UTRN: variants seen among roughly 807,000 people sequenced by gnomAD.
The protein encoded by UTRN is dystrophin-related protein 1.
A neutral mutation model predicts 463.9 loss-of-function variants in UTRN; 283 were observed. The ratio of observed to expected loss-of-function variants is 0.61; its 90% CI spans 0.55 to 0.67. The LOEUF (loss-of-function observed/expected upper bound fraction) is 0.67, where lower values mean the gene tolerates loss of function less well. Ranked by LOEUF, UTRN falls within the 30% of genes least tolerant of loss-of-function variation. UTRN has a pLI of 0.00. For synonymous variants in UTRN, 1,442 were observed against 1,431.5 expected (o/e 1.01, Z -0.17); for missense variants, 3,922 against 4,084.3 (o/e 0.96, Z 1.08).
Position 144,555,529 on chromosome 6 carries a change from T to G in UTRN, c.7134+636T>G, listed in dbSNP as rs73603029. Among the ~76,000 whole-genome samples the G allele has an allele frequency of 1.9e-3, 286 of 152,304 alleles. 2 individuals carry two copies. Among genetic ancestry groups the G allele is most frequent in the African/African-American group, 6.6e-3 (275 of 41,560 alleles). On this transcript the variant is annotated intron_variant, in intron 49 of 74. Coordinates refer to ENST00000367545, the MANE Select transcript of UTRN (RefSeq NM_007124.3). ...CTCATTGCAACAGCCACCTCTTGGGTTCCAGCGATTCTTGCCTCAGCCTTC... is the reference window on the plus strand; with the variant it reads ...CTCATTGCAACAGCCACCTCTTGGGGTCCAGCGATTCTTGCCTCAGCCTTC...
intron 48 of UTRN, among the ~76,000 whole-genome samples, chr6:144,552,359 A>G (rs1798999398): frequency 6.6e-6 from 1 of 152,158 alleles, no homozygotes; most frequent in African/African-American, 2.4e-5. Context: ...TGTGCCTATT[A>G]TGGAACTTTG....
chr6:144,817,855 C>G (rs543731692), intron 65 of UTRN, among the ~76,000 whole-genome samples: 12 of 152,208 alleles, frequency 7.9e-5, no homozygotes, highest in African/African-American at 2.6e-4. Flanking sequence ...TAAGCTATTT[C>G]TGTGTGTGTA....
intron 18 of UTRN, among the ~76,000 whole-genome samples, chr6:144,451,746 G>A (rs1788337646): frequency 6.6e-6 from 1 of 151,802 alleles, no homozygotes; most frequent in Non-Finnish European, 1.5e-5. Context: ...ACTTCTTATG[G>A]TGATCCAGTT....
intron 33 of UTRN, among the ~76,000 whole-genome samples, chr6:144,494,247 G>A (rs1398608184): frequency 6.6e-6 from 1 of 152,094 alleles, no homozygotes; most frequent in African/African-American, 2.4e-5. Flanking sequence ...ATGTTCGGAT[G>A]TGCTTGGAGT....
At chr6:144,726,598 C>A (rs547976017) in intron 53 of UTRN, among the ~76,000 whole-genome samples, 1 of 152,238 alleles carries the variant, frequency 6.6e-6, no homozygotes, top group Middle Eastern at 3.4e-3. Context: ...AGAAATGTCA[C>A]CTCTTTTGCA....
At chr6:144,386,047 G>A (rs545462512) in intron 2 of UTRN, among the ~76,000 whole-genome samples, 1 of 152,308 alleles carries the variant, frequency 6.6e-6, no homozygotes, top group East Asian at 1.9e-4. Context: ...AAGTTAACAT[G>A]AAGGAAGTCA....
At chr6:144,660,081 G>C in intron 51 of UTRN, 1 of 389,338 alleles carries the variant, frequency 2.6e-6, no homozygotes, top group Non-Finnish European at 5.3e-6. Flanking sequence ...GCTGCTGATG[G>C]ACCATAGCTC....
intron 61 of UTRN, among the ~76,000 whole-genome samples, chr6:144,788,413 A>G (rs1562911687): frequency 6.6e-6 from 1 of 152,166 alleles, no homozygotes. Context: ...AGCTCTTAGT[A>G]TATAGTTAAT....
In UTRN at chr6:144,437,693, G is replaced by A; in HGVS notation, c.1188G>A (p.Leu396=). ...EEFEIQEQMT[L]LNARWEALRV... is the part of the protein sequence containing the mutation. ...TTGAGATTCAGGAACAGATGACCCT[G>A]CTGAATGCTAGATGGGAGGCTCTTA... The change falls in exon 11 of 75, where the codon CTG becomes CTA. Residue 396 remains leucine, a synonymous_variant. Coordinates refer to ENST00000367545, the MANE Select transcript of UTRN (RefSeq NM_007124.3). The A allele has an allele frequency of 3.1e-6, 5 of 1,614,160 alleles. No homozygotes were observed. Among genetic ancestry groups the A allele is most frequent in the Non-Finnish European group, 4.2e-6 (5 of 1,180,024 alleles).
chr6:144,364,602 G>A (rs1779355910), intron 2 of UTRN, among the ~76,000 whole-genome samples: 1 of 152,166 alleles, frequency 6.6e-6, no homozygotes, highest in Non-Finnish European at 1.5e-5. Context: ...AGATGAGTCC[G>A]TGTATTTGTT....
At chr6:144,313,926 G>C (rs944272202) in intron 2 of UTRN, among the ~76,000 whole-genome samples, 2 of 152,004 alleles carry the variant, frequency 1.3e-5, no homozygotes, top group African/African-American at 4.8e-5. Context: ...TCATGCTTCT[G>C]TTTCATTAAT....
intron 51 of UTRN, among the ~76,000 whole-genome samples, chr6:144,653,624 G>C (rs116296794): frequency 0.014 from 2,158 of 151,184 alleles, 45 homozygotes; most frequent in African/African-American, 0.05. Flanking sequence ...CTTTTCCATA[G>C]TTGTACAGCA....
At chr6:144,849,934 A>G (rs1439164229) in intron 74 of UTRN, among the ~76,000 whole-genome samples, 1 of 152,074 alleles carries the variant, frequency 6.6e-6, no homozygotes, top group Non-Finnish European at 1.5e-5. Flanking sequence ...CTGTCCTCAA[A>G]CCACTTCTTT....
At chr6:144,696,845 A>G (rs979711060) in intron 52 of UTRN, among the ~76,000 whole-genome samples, 4 of 152,170 alleles carry the variant, frequency 2.6e-5, no homozygotes, top group Admixed American at 6.5e-5. Flanking sequence ...ACTTACTCAC[A>G]CTATTTCCTT....
At chr6:144,572,938 G>A (rs751089343) in intron 50 of UTRN, among the ~76,000 whole-genome samples, 15 of 152,102 alleles carry the variant, frequency 9.9e-5, no homozygotes, top group East Asian at 1.9e-4. Flanking sequence ...GGGTCAAATG[G>A]TATTTCTGGT....
rs900870367 is a variant in UTRN, at chr6:144,514,958, G to A, written c.5244+138G>A. 1.5e-5 allele frequency: 15 copies of A among 974,904 alleles called. No homozygotes were observed. In the Admixed American group the frequency reaches 4.8e-4, roughly 31 times the overall value. The allele number at this position is 974,904 out of a possible 1,614,324, so 60.4% of individuals were successfully genotyped here. A position where few individuals can be genotyped will look rare whatever the true frequency, so the allele number is the denominator to read the frequency against. Reference sequence around the variant, plus strand: ...TTCTCTCTCTGTCACCGAGGCTGGAGTGCAGTGGCATGAGCTCACTGCAAC... The same window carrying A: ...TTCTCTCTCTGTCACCGAGGCTGGAATGCAGTGGCATGAGCTCACTGCAAC... On this transcript the variant is annotated intron_variant, in intron 37 of 74. Transcript: ENST00000367545.
chr6:144,291,897 G>A lies in UTRN; in HGVS notation c.69G>A (p.Lys23=), dbSNP rs765083371. 1.9e-6 allele frequency: 3 copies of A among 1,611,662 alleles called. No individual in the cohort carries two copies. In the Admixed American group the frequency reaches 5.0e-5, roughly 27 times the overall value. ...NGQNEFSDII[K]SRSDEHNDVQ... The stretch of plus-strand genomic sequence containing the variant: ...AGAACGAATTCAGTGATATCATTAA[G>A]TCCAGATCTGGTAGGTAAAGGAAGC... The change falls in exon 2 of 75, where the codon AAG becomes AAA. Residue 23 remains lysine (K), a synonymous_variant. Coordinates refer to ENST00000367545, the MANE Select transcript of UTRN (RefSeq NM_007124.3).
At chr6:144,770,556 G>A (rs892818875) in intron 58 of UTRN, among the ~76,000 whole-genome samples, 3 of 152,102 alleles carry the variant, frequency 2.0e-5, no homozygotes, top group Admixed American at 6.5e-5. Context: ...ACCTAGATAA[G>A]GGGCAGTTAA....
intron 2 of UTRN, among the ~76,000 whole-genome samples, chr6:144,402,241 A>G (rs1204803872): frequency 6.6e-6 from 1 of 152,202 alleles, no homozygotes; most frequent in Non-Finnish European, 1.5e-5. Context: ...AACCTTTACA[A>G]TACTCTTGCA....
Sources: gnomAD v4.1 joint callset for allele counts (sites outside exome capture counted in the v4.1 genomes callset) on GRCh38, gnomAD v4.1.1 for gene constraint, MANE v1.5 for transcripts, NCBI Gene and HGNC (gene_info 2026-07-23, HGNC 2026-07-21) for gene names.